Variants in AGTPBP1 observed in about 807,000 individuals in gnomAD.
AGTPBP1 encodes the protein cytosolic carboxypeptidase 1.
Under a neutral mutation model 143.9 loss-of-function variants are expected in AGTPBP1, and 70 were observed. The observed-to-expected ratio is 0.49, with a 90% CI of 0.40 to 0.59. AGTPBP1 has a LOEUF of 0.59. Among genes scored for constraint, AGTPBP1 ranks in the 20% least tolerant of loss-of-function variants. AGTPBP1 has a pLI of 0.00. For synonymous variants in AGTPBP1, 463 were observed against 500.2 expected, an observed-to-expected ratio of 0.93 and a Z score of 0.99; for missense variants, 1,229 against 1,464.5, an observed-to-expected ratio of 0.84 and a Z score of 2.62.
At chr9:85,717,915 G>A (rs62570602) in intron 1 of AGTPBP1, among the ~76,000 whole-genome samples, 2,247 of 151,518 alleles carry the variant, frequency 0.015, 24 homozygotes, top group Middle Eastern at 0.037. Context: ...ACTTATGAAT[G>A]AGAACATGCA....
At chr9:85,608,522 G>T (rs1225439069) in intron 17 of AGTPBP1, among the ~76,000 whole-genome samples, 1 of 151,836 alleles carries the variant, frequency 6.6e-6, no homozygotes, top group African/African-American at 2.4e-5. Flanking sequence ...CTTATGTGAA[G>T]AAGATATATT....
chr9:85,692,979 CTA>C (rs1168418864), intron 2 of AGTPBP1, among the ~76,000 whole-genome samples, 166 bp from the exon 3 acceptor site: 1 of 152,228 alleles, frequency 6.6e-6, no homozygotes, highest in Admixed American at 6.5e-5. Flanking sequence ...TAATATTGTT[CTA>C]TAGCTTAAAT....
intron 25 of AGTPBP1, among the ~76,000 whole-genome samples, chr9:85,570,657 C>T (rs2132978915): frequency 1.3e-5 from 2 of 152,328 alleles, no homozygotes; most frequent in South Asian, 4.1e-4. Context: ...GCTCTCATTT[C>T]CCATTTCTTC....
chr9:85,772,797 A>G, the AGTPBP1 span, among the ~76,000 whole-genome samples: 1 of 152,188 alleles, frequency 6.6e-6, no homozygotes, highest in African/African-American at 2.4e-5. Context: ...TCACTTATTT[A>G]TAACATCCAT....
chr9:85,711,614 A>AT (rs904447591), intron 2 of AGTPBP1, among the ~76,000 whole-genome samples: 10 of 151,546 alleles, frequency 6.6e-5, no homozygotes, highest in African/African-American at 2.2e-4. Flanking sequence ...TAATTTTTGT[A>AT]TTTTTTATAA....
In AGTPBP1 at chr9:85,701,275, G is replaced by A. The variant is rs957724730; in HGVS notation, c.33-8462C>T. ...GATGGAGTCTTGCTCTGTCACCCAC[G>A]CTGGAGGACAGTGGTGCAATCTTGG... On this transcript the variant is annotated intron_variant, in intron 2 of 25. Transcript: ENST00000357081. Among the ~76,000 whole-genome samples, 14 of 148,544 alleles carry A rather than the reference G, an allele frequency of 9.4e-5. No individual in the cohort carries two copies. The East Asian group carries it at 1.6e-3, about 17-fold the overall frequency.
chr9:85,644,840 A>C (rs79245030), intron 12 of AGTPBP1, among the ~76,000 whole-genome samples: 791 of 152,262 alleles, frequency 5.2e-3, no homozygotes, highest in Non-Finnish European at 8.8e-3. Flanking sequence ...GGATGAAGGA[A>C]TAGGATTCAG....
At chr9:85,733,013 T>C (rs2134755787) in intron 1 of AGTPBP1, among the ~76,000 whole-genome samples, 1 of 152,252 alleles carries the variant, frequency 6.6e-6, no homozygotes, top group South Asian at 2.1e-4. Context: ...AACATAATTA[T>C]GGGGAGAAAT....
Position 85,547,047 on chromosome 9 carries a change from TG to T in AGTPBP1, c.*61del. 2 of 1,471,368 alleles carry T rather than the reference TG, an allele frequency of 1.4e-6. No individual in the cohort carries two copies. The highest frequency in any genetic ancestry group is 1.8e-6 in the Non-Finnish European group (2 of 1,108,080). 91.1% of individuals were successfully genotyped at this position (1,471,368 alleles called of 1,614,324 possible). The stretch of plus-strand genomic sequence containing the variant: ...ATAAACTCATTTCTCTCAAGCTTCC[TG>T]GGAAATAAAAACCAAGATATTTCAT... On this transcript the variant is annotated 3_prime_UTR_variant, in exon 26 of 26. Coordinates refer to ENST00000357081, the MANE Select transcript of AGTPBP1 (RefSeq NM_001330701.2).
At chr9:85,550,318 G>A (rs182890631) in intron 25 of AGTPBP1, among the ~76,000 whole-genome samples, 2 of 152,138 alleles carry the variant, frequency 1.3e-5, no homozygotes, top group East Asian at 3.9e-4. Context: ...ACTAAAACCA[G>A]CATTCAGACT....
intron 25 of AGTPBP1, among the ~76,000 whole-genome samples, chr9:85,558,335 A>G (rs1381648109): frequency 6.6e-6 from 1 of 152,184 alleles, no homozygotes; most frequent in East Asian, 1.9e-4. Flanking sequence ...GCCAGGAGTG[A>G]CTGCTTAATT....
chr9:85,708,894 T>C (rs1191554826), intron 2 of AGTPBP1, among the ~76,000 whole-genome samples: 11 of 152,150 alleles, frequency 7.2e-5, no homozygotes, highest in African/African-American at 2.7e-4. Context: ...GTGCCTTAAC[T>C]GATGAATATT....
At chr9:85,689,928 ATAT>A (rs1835750253) in intron 3 of AGTPBP1, among the ~76,000 whole-genome samples, 8 of 107,018 alleles carry the variant, frequency 7.5e-5, no homozygotes, top group African/African-American at 2.7e-4. Context: ...AAAAAAAAAT[ATAT>A]ATATATATAT....
At chr9:85,570,076 C>T (rs1288270413) in intron 25 of AGTPBP1, among the ~76,000 whole-genome samples, 1 of 152,020 alleles carries the variant, frequency 6.6e-6, no homozygotes, top group Non-Finnish European at 1.5e-5. Context: ...AGTAACAAAC[C>T]CCATATATCT....
intron 17 of AGTPBP1, among the ~76,000 whole-genome samples, chr9:85,617,377 G>GA (rs893336150): frequency 9.2e-5 from 14 of 151,954 alleles, no homozygotes; most frequent in Admixed American, 3.3e-4. Flanking sequence ...TTGTATGCCA[G>GA]AAAAAAATTC....
At chr9:85,797,638 A>G in the AGTPBP1 span, among the ~76,000 whole-genome samples, 5 of 152,122 alleles carry the variant, frequency 3.3e-5, no homozygotes, top group East Asian at 7.7e-4. Context: ...GGGGTGTCCA[A>G]TCTTTTGGCT....
At chr9:85,560,078 C>T (rs1281808457) in intron 25 of AGTPBP1, among the ~76,000 whole-genome samples, 1 of 152,208 alleles carries the variant, frequency 6.6e-6, no homozygotes, top group East Asian at 1.9e-4. Context: ...CCCCTCCAGC[C>T]CACCAGTATC....
At chr9:85,548,321 T>TTA (rs1358536043) in intron 25 of AGTPBP1, among the ~76,000 whole-genome samples, 95 of 152,328 alleles carry the variant, frequency 6.2e-4, no homozygotes, top group Non-Finnish European at 2.5e-4. Context: ...AGTTAATAGA[T>TTA]TATATGGCTC....
At chr9:85,623,756 CAAAA>C (rs529304682) in intron 14 of AGTPBP1, among the ~76,000 whole-genome samples, 2 of 83,878 alleles carry the variant, frequency 2.4e-5, no homozygotes, top group Non-Finnish European at 2.7e-5. Context: ...GACTCTGTCT[CAAAA>C]AAAAAAAAAA....
Sources: gnomAD v4.1 joint callset for allele counts (sites outside exome capture counted in the v4.1 genomes callset) on GRCh38, gnomAD v4.1.1 for gene constraint, MANE v1.5 for transcripts, NCBI Gene and HGNC (gene_info 2026-07-23, HGNC 2026-07-21) for gene names.